ANKRD18B: variants seen among roughly 807,000 people sequenced by gnomAD.
ANKRD18B encodes ankyrin repeat domain-containing protein 18B.
Under a neutral mutation model 111.8 loss-of-function variants are expected in ANKRD18B, and 75 were observed. The observed-to-expected ratio is 0.67, with a 90% CI of 0.56 to 0.81. ANKRD18B has a LOEUF of 0.81. Ranked by LOEUF, ANKRD18B falls within the 40% of genes least tolerant of loss-of-function variation. The pLI is 0.00. For synonymous variants in ANKRD18B, 356 were observed against 417.3 expected, an observed-to-expected ratio of 0.85 and a Z score of 1.79; for missense variants, 1,038 against 1,225.5, an observed-to-expected ratio of 0.85 and a Z score of 2.28.
Position 33,534,556 on chromosome 9 carries a change from A to C in ANKRD18B, c.740+49A>C, listed in dbSNP as rs755176948. On this transcript the variant is annotated intron_variant, in intron 5 of 18. Transcript: ENST00000684830. The stretch of plus-strand genomic sequence containing the variant: ...GGTTAATACTAAATTAAGGTTTTAA[A>C]TAATTATAACTATTGCATCTTATAC... The C allele has an allele frequency of 3.2e-5, 47 of 1,471,522 alleles. 1 individual carries two copies. In the Admixed American group the frequency reaches 3.6e-4, roughly 11 times the overall value. The allele number at this position is 1,471,522 out of a possible 1,614,324, so 91.2% of individuals were successfully genotyped here. A position where few individuals can be genotyped will look rare whatever the true frequency, so the allele number is the denominator to read the frequency against.
intron 14 of ANKRD18B, among the ~76,000 whole-genome samples, chr9:33,558,453 G>A (rs531703488): frequency 1.2e-4 from 18 of 152,194 alleles, no homozygotes; most frequent in Non-Finnish European, 2.5e-4. Flanking sequence ...GCAGTGTTTG[G>A]TTTTTTGTTC....
intron 3 of ANKRD18B, among the ~76,000 whole-genome samples, chr9:33,531,135 C>T (rs12551660): frequency 0.27 from 40,573 of 152,020 alleles, 5,807 homozygotes; most frequent in Middle Eastern, 0.36. Context: ...AATTTAGTTT[C>T]AGCATTCCTA....
In ANKRD18B at chr9:33,550,509, C is replaced by T. The variant is rs1828431544; in HGVS notation, c.2147C>T (p.Thr716Ile). The T allele has an allele frequency of 6.5e-7, 1 of 1,547,616 alleles. No individual in the cohort carries two copies. Among genetic ancestry groups the T allele is most frequent in the Non-Finnish European group, 8.7e-7 (1 of 1,145,328 alleles). The change falls in exon 12 of 19, where the codon ACA (threonine) becomes ATA (isoleucine). Residue 716 changes from threonine (T) to isoleucine (I), a missense_variant. Around this residue, in one of 4 missense-constraint regions of ANKRD18B, gnomAD observed 524 missense variants for 677.9 expected, o/e 0.77. Coordinates refer to ENST00000684830, the MANE Select transcript of ANKRD18B (RefSeq NM_001393611.1). Reference sequence around the variant, plus strand: ...ATGTCAGAGTCTCCACTGGAAGGTACATCACATTGTCATATTAATTTGGAT... The same window carrying T: ...ATGTCAGAGTCTCCACTGGAAGGTATATCACATTGTCATATTAATTTGGAT... ...FSMSESPLEG[T>I]SHCHINLDET...
chr9:33,572,558 G>C lies in ANKRD18B; in HGVS notation c.*124G>C. On this transcript the variant is annotated 3_prime_UTR_variant, in exon 19 of 19. Coordinates refer to ENST00000684830, the MANE Select transcript of ANKRD18B (RefSeq NM_001393611.1). ...CATATCATATGATGTATATTTATAT[G>C]TTATTTTAAATGATTTTTTTAGCCT... 2 of 1,298,696 alleles carry C rather than the reference G, an allele frequency of 1.5e-6. No individual in the cohort carries two copies. The highest frequency in any genetic ancestry group is 2.0e-6 in the Non-Finnish European group (2 of 1,016,658). 80.4% of individuals were successfully genotyped at this position (1,298,696 alleles called of 1,614,324 possible).
intron 13 of ANKRD18B, among the ~76,000 whole-genome samples, chr9:33,556,184 A>G (rs1443410190): frequency 5.9e-5 from 9 of 152,212 alleles, no homozygotes; most frequent in Non-Finnish European, 1.2e-4. Context: ...GAAAAAATTT[A>G]TATTAAAAAT....
At chr9:33,567,394 T>C (rs1156494567) in intron 16 of ANKRD18B, 80 bp downstream of exon 16, 2 of 1,260,094 alleles carry the variant, frequency 1.6e-6, no homozygotes, top group African/African-American at 3.1e-5. Flanking sequence ...GTGAGATGGC[T>C]TCAGGAGATC....
rs1296619625 is a variant in ANKRD18B at position 33,550,521 on chromosome 9, A to G, written c.2159A>G (p.His720Arg). 3.2e-6 allele frequency: 5 copies of G among 1,546,620 alleles called. No individual in the cohort carries two copies. Among genetic ancestry groups the G allele is most frequent in the Middle Eastern group, 1.7e-4 (1 of 5,962 alleles). Residue 720 changes from histidine (H) to arginine (R), a missense_variant, in exon 12 of 19, where the codon CAT becomes CGT. By Grantham distance (29) the His-to-Arg change is conservative (BLOSUM62 0). Coordinates refer to ENST00000684830, the MANE Select transcript of ANKRD18B (RefSeq NM_001393611.1). ...CCACTGGAAGGTACATCACATTGTCATATTAATTTGGATGAGACATGGACT... is the reference window on the plus strand; with the variant it reads ...CCACTGGAAGGTACATCACATTGTCGTATTAATTTGGATGAGACATGGACT... ...ESPLEGTSHC[H>R]INLDETWTSK...
chr9:33,539,811 A>C (rs1477768597), intron 7 of ANKRD18B, among the ~76,000 whole-genome samples: 3 of 150,832 alleles, frequency 2.0e-5, no homozygotes, highest in African/African-American at 7.3e-5. Flanking sequence ...AGTGGCCAAA[A>C]CCATAAGAAC....
intron 10 of ANKRD18B, among the ~76,000 whole-genome samples, chr9:33,543,550 T>G (rs512519): frequency 4.7e-5 from 5 of 105,278 alleles, no homozygotes; most frequent in East Asian, 3.1e-4. Flanking sequence ...CATCAAAAAT[T>G]GAGTTGTATT....
intron 4 of ANKRD18B, chr9:33,533,888 AT>A: frequency 1.5e-5 from 1 of 66,916 alleles, no homozygotes; most frequent in Admixed American, 1.4e-4. Flanking sequence ...CATTATCATT[AT>A]TATTATTATT....
chr9:33,533,399 G>A, intron 3 of ANKRD18B, 40 bp from the exon 4 acceptor site: 1 of 1,502,042 alleles, frequency 6.7e-7, no homozygotes, highest in Non-Finnish European at 8.8e-7. Context: ...GGAGAAATAT[G>A]TAATTTTGTG....
intron 5 of ANKRD18B, 107 bp downstream of exon 5, chr9:33,534,614 GTTTGGAA>G (rs1828168881): frequency 7.3e-7 from 1 of 1,373,044 alleles, no homozygotes; most frequent in South Asian, 1.8e-5. Flanking sequence ...GGTTGAGGTA[GTTTGGAA>G]TGGCAACAAG....
intron 10 of ANKRD18B, among the ~76,000 whole-genome samples, chr9:33,545,187 C>T (rs1044957533): frequency 6.6e-6 from 1 of 152,136 alleles, no homozygotes; most frequent in African/African-American, 2.4e-5. Context: ...TTGTAACAAA[C>T]CAGACATGCA....
intron 12 of ANKRD18B, among the ~76,000 whole-genome samples, chr9:33,554,282 T>C (rs1206400234): frequency 2.0e-5 from 3 of 151,978 alleles, no homozygotes; most frequent in Admixed American, 6.6e-5. Flanking sequence ...AAAATAACAG[T>C]GTACTCAAAG....
At chr9:33,569,085 C>T (rs1241987603) in intron 17 of ANKRD18B, 192 bp downstream of exon 17, 26 of 480,630 alleles carry the variant, frequency 5.4e-5, no homozygotes, top group Non-Finnish European at 6.9e-5. Flanking sequence ...TTTCAAGAGA[C>T]ACCCATTTGC....
intron 1 of ANKRD18B, among the ~76,000 whole-genome samples, chr9:33,526,160 C>T (rs1466761585): frequency 6.6e-6 from 1 of 152,152 alleles, no homozygotes; most frequent in Non-Finnish European, 1.5e-5. Flanking sequence ...TTGCTGATGA[C>T]TTTTCAAGTG....
chr9:33,549,387 A>C (rs919532022), intron 11 of ANKRD18B, among the ~76,000 whole-genome samples: 19 of 152,154 alleles, frequency 1.2e-4, no homozygotes, highest in African/African-American at 4.3e-4. Context: ...TAGTAGATGC[A>C]GAGCAATGCT....
rs954243427 is a variant in ANKRD18B at position 33,566,349 on chromosome 9, A to C, written c.2591A>C (p.Lys864Thr). Residue 864 changes from lysine (K) to threonine (T), a missense_variant, in exon 15 of 19, where the codon AAG becomes ACG. Lys to Thr is a moderately conservative substitution (Grantham distance 78). Coordinates refer to ENST00000684830, the MANE Select transcript of ANKRD18B (RefSeq NM_001393611.1). ...CAAGAGAAATGTGAAAAACTTGAGA[A>C]GGATAAAAAGATGTTGGAAGAAAAA... Reference protein sequence around the residue: ...KVQEKCEKLEKDKKMLEEKVL... With the variant: ...KVQEKCEKLETDKKMLEEKVL... The C allele has an allele frequency of 1.3e-6, 2 of 1,570,490 alleles. No homozygotes were observed. Among genetic ancestry groups the C allele is most frequent in the African/African-American group, 1.4e-5 (1 of 73,464 alleles).
chr9:33,538,679 T>C (rs980701634), intron 6 of ANKRD18B, among the ~76,000 whole-genome samples: 36 of 151,644 alleles, frequency 2.4e-4, no homozygotes, highest in Non-Finnish European at 4.4e-5. Flanking sequence ...GAGATTGCAG[T>C]GAACCGGAAT....
Sources: allele counts gnomAD v4.1 joint callset (sites outside exome capture counted in the v4.1 genomes callset), GRCh38; gene constraint gnomAD v4.1.1; regional missense constraint gnomAD v4.1.1; transcripts MANE v1.5; gene names NCBI Gene and HGNC (gene_info 2026-07-23, HGNC 2026-07-21).